Variants in KLHL29 observed in about 807,000 individuals in gnomAD.
KLHL29 encodes kelch-like protein 29.
A neutral mutation model predicts 80.4 loss-of-function variants in KLHL29; 21 were observed. That is an observed-to-expected ratio of 0.26 (90% confidence interval 0.19 to 0.38). The LOEUF (loss-of-function observed/expected upper bound fraction) is 0.38, where lower values mean the gene tolerates loss of function less well. Among genes scored for constraint, KLHL29 ranks in the 10% least tolerant of loss-of-function variants. The pLI is 1.00. For missense variants in KLHL29, 867 were observed against 1,223.9 expected (o/e 0.71, Z 4.35); for synonymous variants, 511 against 526.8 (o/e 0.97, Z 0.41).
chr2:23,419,419 G>A (rs1662715327), intron 1 of KLHL29, among the ~76,000 whole-genome samples: 1 of 152,088 alleles, frequency 6.6e-6, no homozygotes, highest in African/African-American at 2.4e-5. Flanking sequence ...GAGCTGCAGG[G>A]CCGTCTGTGG....
intron 3 of KLHL29, among the ~76,000 whole-genome samples, chr2:23,620,134 G>A (rs1669132554): frequency 6.6e-6 from 1 of 152,176 alleles, no homozygotes; most frequent in Admixed American, 6.5e-5. Flanking sequence ...GACACACAGA[G>A]GCCAGGCTTA....
chr2:23,504,892 G>A (rs1376730069), intron 2 of KLHL29, among the ~76,000 whole-genome samples: 1 of 152,216 alleles, frequency 6.6e-6, no homozygotes, highest in African/African-American at 2.4e-5. Flanking sequence ...ACCAAGCTCA[G>A]CTGATGGCCC....
Position 23,503,523 on chromosome 2 carries a change from T to C in KLHL29, c.-46+27856T>C, listed in dbSNP as rs1266268053. On this transcript the variant is annotated intron_variant, in intron 2 of 13. Transcript: ENST00000486442. The surrounding 1 kb of genome is among the most constrained non-coding windows in gnomAD (Gnocchi z 4.0). ...AAGTTAGTGTTGTCCTAGGGATGGC[T>C]CCTGGTTCACGCAGGCTCCTCATAG... Among the ~76,000 whole-genome samples the C allele has an allele frequency of 6.6e-6, 1 of 151,928 alleles. No individual in the cohort carries two copies. Among genetic ancestry groups the C allele is most frequent in the Non-Finnish European group, 1.5e-5 (1 of 67,946 alleles).
At chr2:23,532,621 G>A in intron 2 of KLHL29, 1 of 456,732 alleles carries the variant, frequency 2.2e-6, no homozygotes, top group Non-Finnish European at 4.4e-6. Context: ...TGACAAGATT[G>A]TAAGATTATC....
At chr2:23,534,298 T>A (rs1413771827) in intron 2 of KLHL29, among the ~76,000 whole-genome samples, 1 of 152,178 alleles carries the variant, frequency 6.6e-6, no homozygotes, top group Non-Finnish European at 1.5e-5. Flanking sequence ...TCATTGTTAT[T>A]TTTATTAGAT....
chr2:23,654,281 T>C (rs1348325247), intron 5 of KLHL29, among the ~76,000 whole-genome samples: 1 of 152,104 alleles, frequency 6.6e-6, no homozygotes, highest in African/African-American at 2.4e-5. Context: ...AGCCAGAACC[T>C]GGCCCAGTTA....
chr2:23,656,589 C>T (rs535613342), intron 5 of KLHL29, among the ~76,000 whole-genome samples: 17 of 152,362 alleles, frequency 1.1e-4, no homozygotes, highest in Non-Finnish European at 2.1e-4. Context: ...GCTGAGTGAT[C>T]GCCTTCCCGT....
chr2:23,691,739 C>G lies in KLHL29; in HGVS notation c.1145C>G (p.Ala382Gly), dbSNP rs1462168337. Residue 382 changes from alanine to glycine, a missense_variant, in exon 7 of 14, where the codon GCA becomes GGA. Physicochemically the swap from Ala to Gly is moderately conservative, Grantham distance 60. Around this residue, in one of 2 missense-constraint regions of KLHL29, gnomAD observed 443 missense variants for 767.0 expected, o/e 0.58. Coordinates refer to ENST00000486442, the MANE Select transcript of KLHL29 (RefSeq NM_052920.2). ...KLELVLSNLQADVLELLLEFV... is the reference protein window; with the variant it reads ...KLELVLSNLQGDVLELLLEFV... ...GAGCTCGTCCTGTCGAACCTGCAGG[C>G]AGACGTCCTGGAGTTGCTGCTGGAG... The G allele has an allele frequency of 1.9e-5, 29 of 1,551,806 alleles. No homozygotes were observed. Among genetic ancestry groups the G allele is most frequent in the Non-Finnish European group, 2.5e-5 (29 of 1,147,028 alleles).
Position 23,410,065 on chromosome 2 carries a change from C to A in KLHL29, c.-154+24285C>A, listed in dbSNP as rs530171274. ...AAACCAGAGGGGAGCATGGCACAGG[C>A]GGAGAGTGGAGAATTAGGAGGGAGA... On this transcript the variant is annotated intron_variant, in intron 1 of 13. Coordinates refer to ENST00000486442, the MANE Select transcript of KLHL29 (RefSeq NM_052920.2). Among the ~76,000 whole-genome samples the A allele has an allele frequency of 2.6e-5, 4 of 152,130 alleles. No individual in the cohort carries two copies. The South Asian group carries it at 8.3e-4, about 32-fold the overall frequency.
At chr2:23,466,499 A>C (rs774160024) in intron 1 of KLHL29, among the ~76,000 whole-genome samples, 5 of 152,232 alleles carry the variant, frequency 3.3e-5, no homozygotes, top group African/African-American at 7.2e-5. Flanking sequence ...ATAAAAGAAG[A>C]AGCAGATGGC....
intron 5 of KLHL29, among the ~76,000 whole-genome samples, chr2:23,663,424 G>A (rs1442357175): frequency 6.6e-6 from 1 of 152,232 alleles, no homozygotes; most frequent in African/African-American, 2.4e-5. Flanking sequence ...GCCGCCCCGC[G>A]GCTCCGCCGT....
chr2:23,501,832 C>T (rs983752351), intron 2 of KLHL29, among the ~76,000 whole-genome samples: 4 of 152,226 alleles, frequency 2.6e-5, no homozygotes, highest in African/African-American at 9.6e-5. Flanking sequence ...AACCCACATT[C>T]CTATCAAGTA....
At chr2:23,422,697 T>A (rs1427621318) in intron 1 of KLHL29, among the ~76,000 whole-genome samples, 2 of 151,704 alleles carry the variant, frequency 1.3e-5, no homozygotes, top group African/African-American at 2.4e-5. Flanking sequence ...TATGTCTGGG[T>A]GTCATGCGGT....
intron 3 of KLHL29, among the ~76,000 whole-genome samples, chr2:23,570,578 C>T (rs72849631): frequency 0.15 from 22,934 of 152,180 alleles, 2,420 homozygotes; most frequent in Admixed American, 0.29. Context: ...CCCCCGACCC[C>T]AGGTTGCCAG....
At chr2:23,574,005 G>A (rs576485225) in intron 3 of KLHL29, among the ~76,000 whole-genome samples, 35 of 152,152 alleles carry the variant, frequency 2.3e-4, no homozygotes, top group Non-Finnish European at 3.8e-4. Flanking sequence ...GCTCAGGGAA[G>A]CAGCTCCCTC....
intron 1 of KLHL29, among the ~76,000 whole-genome samples, chr2:23,393,217 C>A (rs1332754451): frequency 6.6e-6 from 1 of 152,202 alleles, no homozygotes; most frequent in African/African-American, 2.4e-5. Flanking sequence ...GACATCAAAG[C>A]TGACTTTTTG....
chr2:23,657,501 ATC>A (rs1361466920), intron 5 of KLHL29, among the ~76,000 whole-genome samples: 1 of 152,230 alleles, frequency 6.6e-6, no homozygotes, highest in East Asian at 1.9e-4. Context: ...GCTAATGGAC[ATC>A]TCTCAGCAAT....
chr2:23,706,144 T>G (rs928221075), intron 13 of KLHL29, among the ~76,000 whole-genome samples: 2 of 152,208 alleles, frequency 1.3e-5, no homozygotes, highest in African/African-American at 4.8e-5. Context: ...AGGCTGCGTG[T>G]GCCACACAAG....
At chr2:23,602,703 C>T (rs1371423238) in intron 3 of KLHL29, among the ~76,000 whole-genome samples, 1 of 151,422 alleles carries the variant, frequency 6.6e-6, no homozygotes, top group Non-Finnish European at 1.5e-5. Context: ...GTCTACCCAT[C>T]TCAGCCTCCA....
Sources: gnomAD v4.1 joint callset for allele counts (sites outside exome capture counted in the v4.1 genomes callset) on GRCh38, gnomAD v4.1.1 for gene constraint, gnomAD v4.1.1 regional missense constraint, Gnocchi (gnomAD v3.1) non-coding constraint, MANE v1.5 for transcripts, NCBI Gene and HGNC (gene_info 2026-07-23, HGNC 2026-07-21) for gene names.